The following OLAH variants were observed in gnomAD, a reference collection of about 807,000 sequenced individuals.
OLAH encodes S-acyl fatty acid synthase thioesterase, medium chain.
A neutral mutation model predicts 27.8 loss-of-function variants in OLAH; 33 were observed. The observed-to-expected ratio is 1.19, with a 90% CI of 0.90 to 1.59. OLAH has a LOEUF of 1.59. Among genes scored for constraint, OLAH ranks in the 40% most tolerant of loss-of-function variants. The pLI is 0.00. For missense variants in OLAH, 359 were observed against 310.8 expected (o/e 1.16, Z -1.17); for synonymous variants, 120 against 102.9 (o/e 1.17, Z -1.01).
At chr10:15,052,094 C>A (rs1844154477) in intron 3 of OLAH, among the ~76,000 whole-genome samples, 1 of 152,064 alleles carries the variant, frequency 6.6e-6, no homozygotes, top group Non-Finnish European at 1.5e-5. Flanking sequence ...ACTAGCTTGA[C>A]CAACATGGTG....
chr10:15,064,323 T>C (rs1261018235), intron 4 of OLAH, 80 bp from the exon 5 acceptor site: 2 of 770,724 alleles, frequency 2.6e-6, no homozygotes, highest in African/African-American at 3.5e-5. Flanking sequence ...GTGTTTATGA[T>C]ACTGTTCCTT....
At chr10:15,071,606 T>G in intron 6 of OLAH, 189 bp from the exon 7 acceptor site, 1 of 985,296 alleles carries the variant, frequency 1.0e-6, no homozygotes, top group Non-Finnish European at 1.2e-6. Flanking sequence ...TATTGGAAAT[T>G]AGTCTCCACA....
intron 5 of OLAH, 172 bp from the exon 6 acceptor site, chr10:15,065,412 C>T: frequency 1.7e-6 from 1 of 593,262 alleles, no homozygotes; most frequent in Non-Finnish European, 2.8e-6. Context: ...TACTGATGAG[C>T]CTTCTTCTCC....
intron 4 of OLAH, among the ~76,000 whole-genome samples, chr10:15,062,699 T>C (rs1844391196): frequency 6.6e-6 from 1 of 151,998 alleles, no homozygotes; most frequent in African/African-American, 2.4e-5. Context: ...ATATGAGCTA[T>C]TTCTATCTTT....
upstream of OLAH, among the ~76,000 whole-genome samples, chr10:15,043,006 G>A (rs545816655): frequency 1.6e-4 from 24 of 151,420 alleles, no homozygotes; most frequent in South Asian, 4.2e-4. Flanking sequence ...GACTACAGGC[G>A]CCCGCCACCA....
intron 1 of OLAH, among the ~76,000 whole-genome samples, chr10:15,045,700 A>G (rs1844003863): frequency 6.6e-6 from 1 of 152,194 alleles, no homozygotes; most frequent in Non-Finnish European, 1.5e-5. Context: ...ACTGTGTTGA[A>G]AGTCACAACT....
chr10:15,041,817 C>T (rs1843925025), upstream of OLAH, among the ~76,000 whole-genome samples: 2 of 152,002 alleles, frequency 1.3e-5, no homozygotes, highest in African/African-American at 4.8e-5. Flanking sequence ...CTCAGGTGGT[C>T]CAACCCACCT....
chr10:15,057,309 G>T (rs969022028), intron 3 of OLAH, among the ~76,000 whole-genome samples: 5 of 151,836 alleles, frequency 3.3e-5, no homozygotes, highest in African/African-American at 1.2e-4. Flanking sequence ...AACGCTTACT[G>T]AGAGGTCTAT....
upstream of OLAH, chr10:15,043,899 T>G (rs1843966105): frequency 6.6e-6 from 1 of 152,256 alleles, no homozygotes; most frequent in Non-Finnish European, 1.5e-5. Context: ...TGAGATTACC[T>G]CATTTCCTGT....
At chr10:15,038,115 G>C (rs1283353014) in intron 1 of OLAH, among the ~76,000 whole-genome samples, 1 of 152,226 alleles carries the variant, frequency 6.6e-6, no homozygotes. Context: ...CGCCCTGTTG[G>C]ATTTTGGACT....
intron 7 of OLAH, among the ~76,000 whole-genome samples, chr10:15,072,138 T>A (rs1844601636): frequency 6.6e-6 from 1 of 152,214 alleles, no homozygotes; most frequent in South Asian, 2.1e-4. Context: ...TTCACCATGT[T>A]GGCCAGGCTG....
chr10:15,036,676 T>TG (rs1474111958), intron 1 of OLAH, among the ~76,000 whole-genome samples: 2 of 152,044 alleles, frequency 1.3e-5, no homozygotes, highest in East Asian at 1.9e-4. Flanking sequence ...TTGTAGGGAT[T>TG]GGGGGGCCTT....
Position 15,033,846 on chromosome 10 carries a change from T to A in OLAH, c.-164+1496T>A, listed in dbSNP as rs147763427. 3.4e-3 allele frequency among the ~76,000 whole-genome samples: 524 copies of A among 152,272 alleles called. 3 individuals are homozygous for A. The highest frequency in any genetic ancestry group is 0.012 in the African/African-American group (497 of 41,544). ...ACCCATGAAGGCAGAGCCCTCACCA[T>A]CTAATAGTTTTCCCAAGGGTCCTAT... On this transcript the variant is annotated intron_variant, in intron 1 of 3. Transcript: ENST00000413672.
upstream of OLAH, among the ~76,000 whole-genome samples, chr10:15,043,146 C>A (rs1843952205): frequency 6.6e-6 from 1 of 152,046 alleles, no homozygotes; most frequent in Admixed American, 6.6e-5. Flanking sequence ...AGGTGTGAGC[C>A]ACCGCGTCCA....
At chr10:15,050,139 C>G (rs1279363158) in intron 3 of OLAH, among the ~76,000 whole-genome samples, 4 of 152,206 alleles carry the variant, frequency 2.6e-5, no homozygotes, top group Non-Finnish European at 4.4e-5. Context: ...GCTATAAATC[C>G]AGGCGCAGTG....
At chr10:15,034,799 TC>T (rs1564523418) in intron 1 of OLAH, among the ~76,000 whole-genome samples, 1 of 100,532 alleles carries the variant, frequency 9.9e-6, no homozygotes, top group Non-Finnish European at 2.1e-5. Context: ...TTCTTTTCTT[TC>T]TTTCTTTTTT....
chr10:15,065,193 A>T (rs1844443808), intron 5 of OLAH, among the ~76,000 whole-genome samples: 1 of 152,176 alleles, frequency 6.6e-6, no homozygotes, highest in Non-Finnish European at 1.5e-5. Context: ...ACTGGATCAG[A>T]ACCAGGAAAG....
At chr10:15,055,456 C>T (rs1419434160) in intron 3 of OLAH, among the ~76,000 whole-genome samples, 1 of 152,166 alleles carries the variant, frequency 6.6e-6, no homozygotes, top group African/African-American at 2.4e-5. Flanking sequence ...AACACTATAC[C>T]TGTGTATTCC....
chr10:15,054,908 T>C (rs1250502994), intron 3 of OLAH, among the ~76,000 whole-genome samples: 2 of 152,182 alleles, frequency 1.3e-5, no homozygotes, highest in African/African-American at 4.8e-5. Context: ...TCTGGTTTAA[T>C]TTCATCCAAG....
Sources: allele counts gnomAD v4.1 joint callset (sites outside exome capture counted in the v4.1 genomes callset), GRCh38; gene constraint gnomAD v4.1.1; transcripts MANE v1.5; gene names NCBI Gene and HGNC (gene_info 2026-07-23, HGNC 2026-07-21).